The following KMT5A variants were observed in gnomAD, a reference collection of about 807,000 sequenced individuals.
KMT5A encodes the protein lysine methyltransferase 5A, also known as N-lysine methyltransferase KMT5A.
KMT5A carries 6 observed loss-of-function variants against 40.6 expected under a neutral mutation model. That is an observed-to-expected ratio of 0.15 (90% CI 0.08 to 0.29). The LOEUF is 0.29. KMT5A is among the 10% of genes least tolerant of loss of function. The pLI is 1.00. For synonymous variants in KMT5A, 153 were observed against 178.8 expected (o/e 0.86, Z 1.15); for missense variants, 308 against 459.1 (o/e 0.67, Z 3.01).
At chr12:123,398,080 C>G (rs1268352669) in intron 5 of KMT5A, among the ~76,000 whole-genome samples, 1 of 151,406 alleles carries the variant, frequency 6.6e-6, no homozygotes, top group South Asian at 2.1e-4. Context: ...GTCAGGAGTT[C>G]GAGACCAGCC....
chr12:123,397,496 TTTTTC>T (rs961133357), intron 5 of KMT5A, among the ~76,000 whole-genome samples: 5 of 152,194 alleles, frequency 3.3e-5, no homozygotes, highest in Admixed American at 6.5e-5. Flanking sequence ...ATTCTTTCTC[TTTTTC>T]TTTTAATTGA....
chr12:123,401,188 G>A (rs1171964508), intron 5 of KMT5A, among the ~76,000 whole-genome samples: 4 of 107,276 alleles, frequency 3.7e-5, no homozygotes, highest in Non-Finnish European at 5.1e-5. Flanking sequence ...TTGCTCTGTT[G>A]CCAAGGCTGG....
chr12:123,401,620 C>G (rs925202477), intron 5 of KMT5A, among the ~76,000 whole-genome samples: 1 of 151,634 alleles, frequency 6.6e-6, no homozygotes, highest in African/African-American at 2.4e-5. Context: ...CTTGCTCTGT[C>G]TCCCAGGCTG....
chr12:123,386,481 G>T (rs1381573374), intron 1 of KMT5A, among the ~76,000 whole-genome samples: 2 of 152,164 alleles, frequency 1.3e-5, no homozygotes, highest in African/African-American at 4.8e-5. Context: ...CTCCCAGAGT[G>T]CTGGGATTAC....
intron 7 of KMT5A, 42 bp downstream of exon 7, chr12:123,405,116 G>T: frequency 6.5e-7 from 1 of 1,543,688 alleles, no homozygotes; most frequent in Non-Finnish European, 8.8e-7. Flanking sequence ...TGTCCTCTGG[G>T]CAGTGAGGAG....
At chr12:123,397,151 G>C (rs1877791424) in intron 5 of KMT5A, among the ~76,000 whole-genome samples, 1 of 152,276 alleles carries the variant, frequency 6.6e-6, no homozygotes, top group African/African-American at 2.4e-5. Context: ...TGGAAGGCCA[G>C]CTGGCCTATG....
At chr12:123,392,059 GGA>G (rs1877355822) in intron 3 of KMT5A, among the ~76,000 whole-genome samples, 1 of 152,210 alleles carries the variant, frequency 6.6e-6, no homozygotes, top group Non-Finnish European at 1.5e-5. Context: ...CTGTAAATGG[GGA>G]GAGAGGAGTC....
chr12:123,389,638 C>T (rs912205265), intron 2 of KMT5A, 84 bp downstream of exon 2: 2 of 962,212 alleles, frequency 2.1e-6, no homozygotes, highest in South Asian at 4.8e-5. Flanking sequence ...GGTACCCGCC[C>T]GGGGCGCCCG....
intron 1 of KMT5A, among the ~76,000 whole-genome samples, chr12:123,385,672 A>G (rs1876832224): frequency 6.6e-6 from 1 of 152,078 alleles, no homozygotes. Context: ...ACCAACATGG[A>G]GAAATCCCGT....
At chr12:123,404,508 T>A (rs947697175) in intron 6 of KMT5A, among the ~76,000 whole-genome samples, 3 of 152,210 alleles carry the variant, frequency 2.0e-5, no homozygotes, top group African/African-American at 7.2e-5. Context: ...GGATTTGAGC[T>A]GTGTCACTGT....
chr12:123,390,194 C>T, intron 2 of KMT5A: 2 of 458,234 alleles, frequency 4.4e-6, no homozygotes, highest in South Asian at 3.1e-5. Context: ...GCTGACAGGC[C>T]CTCCAGCCGC....
intron 5 of KMT5A, among the ~76,000 whole-genome samples, chr12:123,401,211 C>T (rs111950701): frequency 0.076 from 9,903 of 130,420 alleles, 410 homozygotes; most frequent in South Asian, 0.12. Context: ...TGCAGTGGCG[C>T]GATCTTGGCT....
chr12:123,403,660 A>G, intron 6 of KMT5A, 28 bp downstream of exon 6: 2 of 1,613,988 alleles, frequency 1.2e-6, no homozygotes, highest in Non-Finnish European at 8.5e-7. Flanking sequence ...TTGCTGCATC[A>G]TAGCTAAAGC....
Position 123,405,022 on chromosome 12 carries a change from C to T in KMT5A, c.796C>T (p.Pro266Ser), listed in dbSNP as rs891671179. 1.2e-6 allele frequency: 2 copies of T among 1,614,004 alleles called. No homozygotes were observed. Among genetic ancestry groups the T allele is most frequent in the African/African-American group, 1.3e-5 (1 of 74,904 alleles). ...KKREALYAQD[P>S]STGCYMYYFQ... ...ACGGGAGGCTCTGTACGCACAGGAC[C>T]CTTCCACGGGCTGCTACATGTACTA... The change falls in exon 7 of 8, where the codon CCT (proline) becomes TCT (serine). Residue 266 changes from proline to serine, a missense_variant. Pro to Ser is a moderately conservative substitution (Grantham distance 74, BLOSUM62 -1). Transcript: ENST00000402868.
rs772311898 is a variant in KMT5A at position 123,384,167 on chromosome 12, C to T, written c.-32C>T. On this transcript the variant is annotated 5_prime_UTR_variant, in exon 1 of 8. Coordinates refer to ENST00000402868, the MANE Select transcript of KMT5A (RefSeq NM_020382.7). This position sits in a 1 kb window ranked among gnomAD's most constrained non-coding sequence, Gnocchi z 5.7. ...AACTTTTTTCGAAAGCTGGGTTTCC[C>T]GGGAGATCCCAGGCGGTGACAGAGT... 4.6e-5 allele frequency: 74 copies of T among 1,613,234 alleles called. No homozygotes were observed. Among genetic ancestry groups the T allele is most frequent in the Non-Finnish European group, 5.8e-5 (69 of 1,179,622 alleles).
At chr12:123,395,399 C>T (rs1201183854) in intron 4 of KMT5A, 133 bp downstream of exon 4, 6 of 881,022 alleles carry the variant, frequency 6.8e-6, no homozygotes, top group East Asian at 2.6e-5. Context: ...ACTCAGATGC[C>T]CCGAGTCATC....
chr12:123,393,286 C>T (rs148764049), intron 3 of KMT5A, among the ~76,000 whole-genome samples: 3,000 of 152,202 alleles, frequency 0.02, 52 homozygotes, highest in Non-Finnish European at 0.03. Context: ...CACAGGGTTG[C>T]GCAACCATTA....
chr12:123,394,126 C>CA (rs1162039070), intron 3 of KMT5A, among the ~76,000 whole-genome samples: 38 of 107,364 alleles, frequency 3.5e-4, no homozygotes, highest in African/African-American at 1.2e-3. Context: ...TTTTTTGAGA[C>CA]AGAGTCTCAC....
intron 1 of KMT5A, chr12:123,388,853 G>A (rs1877029088): frequency 6.7e-6 from 1 of 149,110 alleles, no homozygotes; most frequent in South Asian, 2.1e-4. Flanking sequence ...GCCCGAGCCG[G>A]GATTCGCCGC....
Sources: gnomAD v4.1 joint callset for allele counts (sites outside exome capture counted in the v4.1 genomes callset) on GRCh38, gnomAD v4.1.1 for gene constraint, Gnocchi (gnomAD v3.1) non-coding constraint, MANE v1.5 for transcripts, NCBI Gene and HGNC (gene_info 2026-07-23, HGNC 2026-07-21) for gene names.